FBLN7: variants seen among roughly 807,000 people sequenced by gnomAD.
FBLN7 encodes the protein fibulin-7.
In FBLN7, 31 loss-of-function variants were observed where a neutral mutation model predicts 44.0. That is an observed-to-expected ratio of 0.70 (90% CI 0.53 to 0.95). The LOEUF is 0.95. Among genes scored for constraint, FBLN7 ranks in the 40% least tolerant of loss-of-function variants. FBLN7 has a pLI of 0.00. For synonymous variants in FBLN7, 262 were observed against 253.4 expected, an observed-to-expected ratio of 1.03 and a Z score of -0.32; for missense variants, 573 against 618.5, an observed-to-expected ratio of 0.93 and a Z score of 0.78.
At chr2:112,233,847 C>A in the FBLN7 span, among the ~76,000 whole-genome samples, 1 of 151,912 alleles carries the variant, frequency 6.6e-6, no homozygotes, top group African/African-American at 2.4e-5. Flanking sequence ...CCAGCCCAGG[C>A]GACACAGTGA....
intron 3 of FBLN7, 33 bp downstream of exon 3, chr2:112,165,204 G>T (rs952144914): frequency 3.7e-6 from 6 of 1,601,728 alleles, no homozygotes; most frequent in African/African-American, 1.3e-5. Context: ...CACTGCGCTG[G>T]ACCCATCACA....
chr2:112,150,458 G>A (rs1681104458), intron 1 of FBLN7, among the ~76,000 whole-genome samples: 1 of 152,156 alleles, frequency 6.6e-6, no homozygotes, highest in Non-Finnish European at 1.5e-5. Context: ...TCCTGAACGG[G>A]TCAGTATCAC....
At chr2:112,189,767 A>G (rs183693082), downstream of FBLN7, 1 of 152,248 alleles carries the variant, frequency 6.6e-6, no homozygotes, top group Admixed American at 6.5e-5. Context: ...CTATCACCCC[A>G]CCTCATGATG....
At chr2:112,216,821 G>T in the FBLN7 span, among the ~76,000 whole-genome samples, 1 of 151,478 alleles carries the variant, frequency 6.6e-6, no homozygotes, top group African/African-American at 2.4e-5. Context: ...AAACATTATC[G>T]GACAAAAGCA....
intron 1 of FBLN7, among the ~76,000 whole-genome samples, chr2:112,140,127 C>T (rs1408268159): frequency 2.3e-4 from 30 of 132,168 alleles, no homozygotes; most frequent in Non-Finnish European, 3.4e-4. Flanking sequence ...ACGCCAGTGT[C>T]CCTCCCGCCT....
At chr2:112,242,474 G>A in the FBLN7 span, among the ~76,000 whole-genome samples, 5 of 152,192 alleles carry the variant, frequency 3.3e-5, no homozygotes, top group African/African-American at 1.2e-4. Context: ...GAGATGCTCA[G>A]TTATAAATTG....
intron 1 of FBLN7, among the ~76,000 whole-genome samples, chr2:112,150,974 G>T (rs1218979702): frequency 6.6e-6 from 1 of 152,202 alleles, no homozygotes; most frequent in African/African-American, 2.4e-5. Context: ...TCCAGGTTAA[G>T]CAAGCAGGTA....
intron 1 of FBLN7, among the ~76,000 whole-genome samples, chr2:112,157,975 C>A (rs968360682): frequency 1.7e-4 from 26 of 150,782 alleles, no homozygotes; most frequent in African/African-American, 6.4e-4. Flanking sequence ...CGGCTCACTG[C>A]AGGCTCTGCC....
chr2:112,142,978 T>C (rs899603228), intron 1 of FBLN7, among the ~76,000 whole-genome samples: 1 of 152,118 alleles, frequency 6.6e-6, no homozygotes, highest in Non-Finnish European at 1.5e-5. Flanking sequence ...GTCTCTGTGA[T>C]TGTGTATGTG....
chr2:112,236,542 A>G, the FBLN7 span: 3 of 1,609,104 alleles, frequency 1.9e-6, no homozygotes, highest in East Asian at 4.5e-5. Flanking sequence ...AGGTATTCCT[A>G]GAAGCATATA....
At chr2:112,215,851 C>T in the FBLN7 span, 60 of 152,086 alleles carry the variant, frequency 3.9e-4, no homozygotes, top group Non-Finnish European at 5.9e-4. Context: ...AGAAAAGTTA[C>T]GAACTCTAAA....
At chr2:112,142,395 G>A (rs1331099007) in intron 1 of FBLN7, among the ~76,000 whole-genome samples, 1 of 152,172 alleles carries the variant, frequency 6.6e-6, no homozygotes, top group Non-Finnish European at 1.5e-5. Context: ...TTTATTGTCT[G>A]TATTCCCACT....
the FBLN7 span, among the ~76,000 whole-genome samples, chr2:112,193,674 A>G: frequency 6.6e-5 from 10 of 152,156 alleles, no homozygotes. Context: ...TATATCATCC[A>G]CGTCACTTGG....
intron 1 of FBLN7, among the ~76,000 whole-genome samples, chr2:112,148,410 T>C (rs1231290082): frequency 6.6e-6 from 1 of 152,246 alleles, no homozygotes; most frequent in Non-Finnish European, 1.5e-5. Context: ...TCTATTGATC[T>C]GAGATAAATA....
In FBLN7 at chr2:112,146,058, C is replaced by T. The variant is rs186348333; in HGVS notation, c.75+7328C>T. ...CTACTGGGCCGGGCACTGTGGCTCA[C>T]GCCTGTAATCCCAGCACTTTGGGAG... On this transcript the variant is annotated intron_variant, in intron 1 of 7. Transcript: ENST00000331203. 2.9e-3 allele frequency among the ~76,000 whole-genome samples: 436 copies of T among 152,334 alleles called. 1 individual carries two copies. The highest frequency in any genetic ancestry group is 5.0e-3 in the Non-Finnish European group (339 of 68,042).
intron 1 of FBLN7, among the ~76,000 whole-genome samples, chr2:112,145,240 T>C (rs892897384): frequency 6.6e-6 from 1 of 152,252 alleles, no homozygotes; most frequent in African/African-American, 2.4e-5. Context: ...AAATAGTCTA[T>C]TGGGCAAAAC....
chr2:112,160,942 G>A (rs926246010), intron 2 of FBLN7, among the ~76,000 whole-genome samples: 4 of 152,180 alleles, frequency 2.6e-5, no homozygotes, highest in African/African-American at 9.7e-5. Flanking sequence ...GCGTGAAAGT[G>A]CACCCTCCAG....
chr2:112,240,971 G>T, the FBLN7 span, among the ~76,000 whole-genome samples: 1 of 144,776 alleles, frequency 6.9e-6, no homozygotes, highest in African/African-American at 2.6e-5. Flanking sequence ...GTGTGTGTGT[G>T]TGTGTGTGTG....
chr2:112,147,712 A>G (rs1386701595), intron 1 of FBLN7, among the ~76,000 whole-genome samples: 5 of 152,154 alleles, frequency 3.3e-5, no homozygotes, highest in African/African-American at 1.2e-4. Context: ...TCGAGATCAC[A>G]TGTCTTCCTC....
Sources: gnomAD v4.1 joint callset for allele counts (sites outside exome capture counted in the v4.1 genomes callset) on GRCh38, gnomAD v4.1.1 for gene constraint, MANE v1.5 for transcripts, NCBI Gene and HGNC (gene_info 2026-07-23, HGNC 2026-07-21) for gene names.